The following SRGAP3 variants were observed in gnomAD, a reference collection of about 807,000 sequenced individuals.
SRGAP3 encodes the protein SLIT-ROBO Rho GTPase-activating protein 3.
Under a neutral mutation model 121.1 loss-of-function variants are expected in SRGAP3, and 39 were observed. That is an observed-to-expected ratio of 0.32 (90% CI 0.25 to 0.42). The LOEUF is 0.42. SRGAP3 is among the 10% of genes least tolerant of loss of function. The pLI is 1.00. For synonymous variants in SRGAP3, 601 were observed against 570.0 expected, an observed-to-expected ratio of 1.05 and a Z score of -0.77; for missense variants, 1,213 against 1,470.6, an observed-to-expected ratio of 0.82 and a Z score of 2.86.
At chr3:9,098,113 T>C (rs965678515) in intron 3 of SRGAP3, among the ~76,000 whole-genome samples, 7 of 152,138 alleles carry the variant, frequency 4.6e-5, no homozygotes, top group Non-Finnish European at 7.4e-5. Context: ...CCTCCCAGGT[T>C]AGAAGTTCTC....
rs187279592 is a variant in SRGAP3, at chr3:9,210,722, T to C, written c.67+38163A>G. Among the ~76,000 whole-genome samples, 136 of 151,902 alleles carry C rather than the reference T, an allele frequency of 9.0e-4. 1 individual carries two copies. The East Asian group carries it at 0.014, about 16-fold the overall frequency. On this transcript the variant is annotated intron_variant, in intron 1 of 21. Transcript: ENST00000383836. ...GCGCATGCCTATAGTCCCAACTACT[T>C]GGGAAGCAGAGCCAGGAGAATCTCT...
At chr3:9,009,888 A>T (rs910975119) in intron 18 of SRGAP3, among the ~76,000 whole-genome samples, 5 of 152,180 alleles carry the variant, frequency 3.3e-5, no homozygotes, top group African/African-American at 1.2e-4. Flanking sequence ...ACAGACTGGG[A>T]GTTCCTCAAG....
At chr3:9,335,884 C>T (rs1955685225) in intron 1 of SRGAP3, among the ~76,000 whole-genome samples, 1 of 151,972 alleles carries the variant, frequency 6.6e-6, no homozygotes, top group African/African-American at 2.4e-5. Context: ...TTTTTTTAGT[C>T]AGTCTCTTGC....
chr3:9,324,026 G>A (rs1053540711), intron 3 of SRGAP3, among the ~76,000 whole-genome samples: 3 of 151,930 alleles, frequency 2.0e-5, no homozygotes, highest in South Asian at 4.1e-4. Flanking sequence ...GTAAAGTGAC[G>A]TACAGGAATC....
chr3:9,295,221 G>A (rs1007686857), intron 3 of SRGAP3, among the ~76,000 whole-genome samples: 2 of 152,132 alleles, frequency 1.3e-5, no homozygotes, highest in Non-Finnish European at 2.9e-5. Flanking sequence ...TTTCTGCTCT[G>A]GTCTGTTGCT....
chr3:9,093,198 CTTA>C (rs1210010212), intron 3 of SRGAP3, among the ~76,000 whole-genome samples: 1 of 152,212 alleles, frequency 6.6e-6, no homozygotes, highest in Non-Finnish European at 1.5e-5. Flanking sequence ...TTATTGATCA[CTTA>C]TTACTGCTGA....
At chr3:9,104,536 G>T in intron 3 of SRGAP3, 144 bp downstream of exon 3, 1 of 1,122,102 alleles carries the variant, frequency 8.9e-7, no homozygotes, top group Non-Finnish European at 1.3e-6. Context: ...CCCAAGTCCA[G>T]CCCTCAGCCA....
intron 3 of SRGAP3, among the ~76,000 whole-genome samples, chr3:9,284,130 T>C (rs1275079166): frequency 6.7e-6 from 1 of 148,236 alleles, no homozygotes; most frequent in African/African-American, 2.4e-5. Flanking sequence ...AAAAATGGTG[T>C]TTAATAAAAA....
chr3:9,160,094 T>A (rs1485468760), intron 1 of SRGAP3, among the ~76,000 whole-genome samples: 1 of 152,236 alleles, frequency 6.6e-6, no homozygotes, highest in Non-Finnish European at 1.5e-5. Context: ...ACTGGCTACC[T>A]GTGGCCTTGG....
intron 1 of SRGAP3, among the ~76,000 whole-genome samples, chr3:9,155,726 AT>A (rs1950394122): frequency 6.6e-6 from 1 of 151,908 alleles, no homozygotes. Flanking sequence ...GTATTTCCTG[AT>A]TTCTAGTTGA....
chr3:9,053,289 CCTTTCCCAGCTGTCACTTTA>C lies in SRGAP3; in HGVS notation c.1126-85_1126-66del. The stretch of plus-strand genomic sequence containing the variant: ...CATACTGCCGTTGACACCTAAAGTC[CCTTTCCCAGCTGTCACTTTA>C]CTTCTTCCATATGAAGTCCCTAGGA... On this transcript the variant is annotated intron_variant, in intron 8 of 21. Transcript: ENST00000383836. 3 of 1,499,358 alleles carry C rather than the reference CCTTTCCCAGCTGTCACTTTA, an allele frequency of 2.0e-6. No individual in the cohort carries two copies. In the East Asian group the frequency reaches 7.1e-5, roughly 35 times the overall value. The allele number at this position is 1,499,358 out of a possible 1,614,324, so 92.9% of individuals were successfully genotyped here.
At chr3:9,138,074 G>A (rs1949727672) in intron 1 of SRGAP3, among the ~76,000 whole-genome samples, 1 of 152,192 alleles carries the variant, frequency 6.6e-6, no homozygotes, top group Non-Finnish European at 1.5e-5. Context: ...TTATCTTTAT[G>A]TTTTTAATCA....
At chr3:9,076,741 A>T (rs1575034933) in intron 4 of SRGAP3, among the ~76,000 whole-genome samples, 1 of 147,746 alleles carries the variant, frequency 6.8e-6, no homozygotes, top group Admixed American at 6.7e-5. Context: ...TCTCTCACAC[A>T]TGTGCATCTC....
intron 3 of SRGAP3, among the ~76,000 whole-genome samples, chr3:9,283,659 G>A (rs1344356647): frequency 6.6e-6 from 1 of 151,952 alleles, no homozygotes; most frequent in African/African-American, 2.4e-5. Context: ...ACCCAAGCTA[G>A]AGCAATTACG....
Position 8,992,894 on chromosome 3 carries a change from C to T in SRGAP3, c.2558+12G>A, listed in dbSNP as rs1375266759. On this transcript the variant is annotated intron_variant, in intron 20 of 21. Transcript: ENST00000383836. ...GACACCAGCAGGGAAAAAATGAATCCGCATATCCTACCGGCCCATCACCCC... is the reference window on the plus strand; with the variant it reads ...GACACCAGCAGGGAAAAAATGAATCTGCATATCCTACCGGCCCATCACCCC... 4.3e-6 allele frequency: 7 copies of T among 1,614,136 alleles called. No individual in the cohort carries two copies. Among genetic ancestry groups the T allele is most frequent in the Middle Eastern group, 1.6e-4 (1 of 6,062 alleles).
chr3:9,330,770 G>C (rs1415666277), intron 1 of SRGAP3, among the ~76,000 whole-genome samples: 4 of 152,312 alleles, frequency 2.6e-5, no homozygotes, highest in East Asian at 3.9e-4. Context: ...ACAGGAATCA[G>C]AAGTGAGGTA....
intron 1 of SRGAP3, chr3:9,219,136 A>G (rs1410214245): frequency 2.0e-5 from 3 of 152,154 alleles, no homozygotes; most frequent in African/African-American, 7.2e-5. Flanking sequence ...TGCCTGGCCA[A>G]AAGCTGTCTT....
At chr3:9,146,735 G>A (rs1270442366) in intron 1 of SRGAP3, among the ~76,000 whole-genome samples, 1 of 152,186 alleles carries the variant, frequency 6.6e-6, no homozygotes, top group Non-Finnish European at 1.5e-5. Context: ...TGCAGACAGA[G>A]AGCACCAGGA....
chr3:9,274,917 G>A (rs1954543168), intron 3 of SRGAP3, among the ~76,000 whole-genome samples: 1 of 151,666 alleles, frequency 6.6e-6, no homozygotes, highest in Non-Finnish European at 1.5e-5. Context: ...AGCTGAGCCT[G>A]GGGATTTTAT....
Sources: gnomAD v4.1 joint callset for allele counts (sites outside exome capture counted in the v4.1 genomes callset) on GRCh38, gnomAD v4.1.1 for gene constraint, MANE v1.5 for transcripts, NCBI Gene and HGNC (gene_info 2026-07-23, HGNC 2026-07-21) for gene names.